Variants in ELAVL2 observed in about 807,000 individuals in gnomAD.
The protein encoded by ELAVL2 is ELAV like RNA binding protein 2, also known as ELAV-like protein 2.
Under a neutral mutation model 34.6 loss-of-function variants are expected in ELAVL2, and 4 were observed. The ratio of observed to expected loss-of-function variants is 0.12; its 90% CI spans 0.06 to 0.26. The LOEUF (loss-of-function observed/expected upper bound fraction) is 0.26, where lower values mean the gene tolerates loss of function less well. Among genes scored for constraint, ELAVL2 ranks in the 10% least tolerant of loss-of-function variants. ELAVL2 has a pLI of 1.00. For missense variants in ELAVL2, 432 were observed against 442.8 expected, an observed-to-expected ratio of 0.98 and a Z score of 0.22; for synonymous variants, 193 against 154.8, an observed-to-expected ratio of 1.25 and a Z score of -1.83.
chr9:23,842,568 T>C, the ELAVL2 span, among the ~76,000 whole-genome samples: 1 of 152,140 alleles, frequency 6.6e-6, no homozygotes. Flanking sequence ...TATCTCTTTT[T>C]TTCATATATA....
At chr9:23,849,776 C>T in the ELAVL2 span, 1 of 152,180 alleles carries the variant, frequency 6.6e-6, no homozygotes, top group Non-Finnish European at 1.5e-5. Context: ...GTACGGGTTT[C>T]TTTTTGTTGT....
chr9:23,695,294 A>G (rs886103784), intron 5 of ELAVL2, among the ~76,000 whole-genome samples: 1 of 152,234 alleles, frequency 6.6e-6, no homozygotes, highest in Non-Finnish European at 1.5e-5. Context: ...GTCTCCAACC[A>G]AAGTGCTAGA....
chr9:23,841,756 C>A, the ELAVL2 span, among the ~76,000 whole-genome samples: 2 of 151,968 alleles, frequency 1.3e-5, no homozygotes, highest in African/African-American at 4.8e-5. Context: ...GCTTGTTTTA[C>A]TTTGTAGGGT....
chr9:23,705,403 T>C lies in ELAVL2; in HGVS notation c.334-332A>G, dbSNP rs185647906. Among the ~76,000 whole-genome samples, 13 of 152,330 alleles carry C rather than the reference T, an allele frequency of 8.5e-5. No homozygotes were observed. The East Asian group carries it at 9.6e-4, about 11-fold the overall frequency. On this transcript the variant is annotated intron_variant, in intron 3 of 6. Coordinates refer to ENST00000397312, the MANE Select transcript of ELAVL2 (RefSeq NM_004432.5). Reference sequence around the variant, plus strand: ...GGTCTGGGATCAATTTGCGGAGGTATAGTGATTCAACAACTGCCTGCTCAT... The same window carrying C: ...GGTCTGGGATCAATTTGCGGAGGTACAGTGATTCAACAACTGCCTGCTCAT...
intron 5 of ELAVL2, among the ~76,000 whole-genome samples, chr9:23,698,126 A>G (rs187165330): frequency 6.6e-6 from 1 of 152,338 alleles, no homozygotes; most frequent in African/African-American, 2.4e-5. Flanking sequence ...GGCTCATAGA[A>G]GCAGGCACAC....
intron 4 of ELAVL2, among the ~76,000 whole-genome samples, chr9:23,704,364 CAT>C (rs1554665612): frequency 3.5e-4 from 53 of 152,084 alleles, no homozygotes; most frequent in Non-Finnish European, 2.9e-5. Context: ...TTTTAATGAA[CAT>C]TTTAGTCTTC....
intron 1 of ELAVL2, among the ~76,000 whole-genome samples, chr9:23,814,146 G>A (rs988077017): frequency 6.6e-6 from 1 of 152,022 alleles, no homozygotes; most frequent in African/African-American, 2.4e-5. Flanking sequence ...ACACCTATAG[G>A]CCATATGAAG....
At chr9:23,836,978 G>A in the ELAVL2 span, among the ~76,000 whole-genome samples, 1 of 152,168 alleles carries the variant, frequency 6.6e-6, no homozygotes, top group African/African-American at 2.4e-5. Flanking sequence ...GGGTTAAGAA[G>A]CTTTCGTCGA....
At chr9:23,715,560 C>T (rs1375203163) in intron 3 of ELAVL2, among the ~76,000 whole-genome samples, 1 of 152,206 alleles carries the variant, frequency 6.6e-6, no homozygotes, top group Non-Finnish European at 1.5e-5. Context: ...AATTGGCTTG[C>T]AGAAAATCAG....
intron 3 of ELAVL2, among the ~76,000 whole-genome samples, chr9:23,715,061 G>T (rs2041950125): frequency 6.6e-6 from 1 of 152,076 alleles, no homozygotes; most frequent in Non-Finnish European, 1.5e-5. Context: ...CTAGAGGGAG[G>T]GTTGAAACTA....
intron 2 of ELAVL2, among the ~76,000 whole-genome samples, chr9:23,740,677 A>G (rs963235867): frequency 5.3e-5 from 8 of 152,234 alleles, no homozygotes. Flanking sequence ...AAGAAAAGGA[A>G]GGACATCCTG....
chr9:23,719,648 T>C (rs955190548), intron 3 of ELAVL2, among the ~76,000 whole-genome samples: 2 of 152,140 alleles, frequency 1.3e-5, no homozygotes, highest in Admixed American at 6.5e-5. Context: ...AAAAATTTTT[T>C]CCTTTAAAAA....
intron 2 of ELAVL2, among the ~76,000 whole-genome samples, chr9:23,748,156 G>C (rs936142639): frequency 2.0e-5 from 3 of 151,458 alleles, no homozygotes; most frequent in Non-Finnish European, 4.4e-5. Context: ...TTATATTGAT[G>C]GGGGGCTTCC....
intron 1 of ELAVL2, chr9:23,765,082 T>A: frequency 2.5e-6 from 4 of 1,605,728 alleles, no homozygotes; most frequent in Non-Finnish European, 3.4e-6. Flanking sequence ...GACTGCCATG[T>A]TAGTTTGGAG....
intron 1 of ELAVL2, among the ~76,000 whole-genome samples, chr9:23,792,500 T>C (rs1034180983): frequency 6.6e-6 from 1 of 152,206 alleles, no homozygotes; most frequent in Non-Finnish European, 1.5e-5. Context: ...TTTATCATCA[T>C]ATACACTGCT....
intron 3 of ELAVL2, among the ~76,000 whole-genome samples, chr9:23,718,129 A>T (rs1255901936): frequency 6.6e-6 from 1 of 152,148 alleles, no homozygotes; most frequent in Non-Finnish European, 1.5e-5. Flanking sequence ...GAAGTCTTGA[A>T]CATAAAGTAA....
intron 2 of ELAVL2, among the ~76,000 whole-genome samples, chr9:23,757,485 G>T (rs765682495): frequency 6.6e-6 from 1 of 151,976 alleles, no homozygotes; most frequent in Non-Finnish European, 1.5e-5. Flanking sequence ...GCAAAGAAGG[G>T]AGAGGGTTGG....
chr9:23,846,356 A>G, the ELAVL2 span, among the ~76,000 whole-genome samples: 1 of 151,916 alleles, frequency 6.6e-6, no homozygotes. Flanking sequence ...AATACATATT[A>G]TCGTAAAAAA....
At chr9:23,734,988 G>C (rs1018286136) in intron 2 of ELAVL2, among the ~76,000 whole-genome samples, 6 of 149,342 alleles carry the variant, frequency 4.0e-5, no homozygotes, top group African/African-American at 1.2e-4. Flanking sequence ...CCCAAACTAA[G>C]ATTCATTTCT....
Sources: gnomAD v4.1 joint callset for allele counts (sites outside exome capture counted in the v4.1 genomes callset) on GRCh38, gnomAD v4.1.1 for gene constraint, MANE v1.5 for transcripts, NCBI Gene and HGNC (gene_info 2026-07-23, HGNC 2026-07-21) for gene names.